TXLNB: variants seen among roughly 807,000 people sequenced by gnomAD.
TXLNB encodes the protein taxilin beta.
Under a neutral mutation model 57.4 loss-of-function variants are expected in TXLNB, and 37 were observed. The ratio of observed to expected loss-of-function variants is 0.64; its 90% CI spans 0.50 to 0.85. The LOEUF is 0.85. Among genes scored for constraint, TXLNB ranks in the 40% least tolerant of loss-of-function variants. The pLI, the probability that TXLNB is intolerant of heterozygous loss-of-function variation, is 0.00. For missense variants in TXLNB, 848 were observed against 825.6 expected (o/e 1.03, Z -0.33); for synonymous variants, 302 against 309.6 (o/e 0.98, Z 0.26).
At chr6:139,212,454 G>T in the TXLNB span, among the ~76,000 whole-genome samples, 4 of 152,172 alleles carry the variant, frequency 2.6e-5, no homozygotes, top group African/African-American at 4.8e-5. Context: ...CACCAGGCCT[G>T]CCCTAAAAGA....
At chr6:139,192,988 CA>C in the TXLNB span, among the ~76,000 whole-genome samples, 11 of 144,668 alleles carry the variant, frequency 7.6e-5, no homozygotes, top group Non-Finnish European at 1.5e-4. Flanking sequence ...AAAAAAAAAA[CA>C]ACAAAAAAAC....
the TXLNB span, among the ~76,000 whole-genome samples, chr6:139,308,312 CA>C: frequency 6.6e-6 from 1 of 152,082 alleles, no homozygotes; most frequent in Non-Finnish European, 1.5e-5. Context: ...TGCCTGGTTG[CA>C]AAAAATTAAT....
the TXLNB span, among the ~76,000 whole-genome samples, chr6:139,321,986 G>C: frequency 2.1e-5 from 3 of 144,738 alleles, no homozygotes; most frequent in Non-Finnish European, 3.0e-5. Flanking sequence ...TTTTAAGATA[G>C]GCAGAGTTTT....
chr6:139,205,368 C>A, the TXLNB span, among the ~76,000 whole-genome samples: 1 of 152,086 alleles, frequency 6.6e-6, no homozygotes, highest in Non-Finnish European at 1.5e-5. Flanking sequence ...CTCAAGTAAT[C>A]CACCCGCCTC....
the TXLNB span, among the ~76,000 whole-genome samples, chr6:139,176,251 C>A: frequency 1.3e-5 from 2 of 152,224 alleles, no homozygotes; most frequent in Non-Finnish European, 2.9e-5. This position sits in a 1 kb window ranked among gnomAD's most constrained non-coding sequence, Gnocchi z 4.5. Flanking sequence ...GCCTCAGTTG[C>A]ATTATCTAAA....
chr6:139,186,492 GAA>G, the TXLNB span, among the ~76,000 whole-genome samples: 1 of 152,178 alleles, frequency 6.6e-6, no homozygotes, highest in African/African-American at 2.4e-5. Flanking sequence ...AAATTAAAAA[GAA>G]TATCAAGTGC....
chr6:139,190,734 T>C, the TXLNB span, among the ~76,000 whole-genome samples: 1 of 152,178 alleles, frequency 6.6e-6, no homozygotes, highest in Non-Finnish European at 1.5e-5. Flanking sequence ...CCTGATAATC[T>C]AATGACCTCC....
intron 6 of TXLNB, among the ~76,000 whole-genome samples, chr6:139,258,268 G>A (rs930421065): frequency 3.9e-5 from 6 of 152,132 alleles, no homozygotes; most frequent in South Asian, 4.1e-4. Flanking sequence ...AGGCTGGGTC[G>A]TCTCAAATCT....
intron 7 of TXLNB, among the ~76,000 whole-genome samples, chr6:139,255,030 C>T (rs1776300044): frequency 6.6e-6 from 1 of 152,220 alleles, no homozygotes; most frequent in Non-Finnish European, 1.5e-5. Flanking sequence ...CCATGTTGGT[C>T]AGGCTGGTCT....
rs776247632 is a variant in TXLNB at position 139,247,874 on chromosome 6, C to G, written c.1113G>C (p.Gln371His). ...CCTCGTTGCTTTTAGTTAGTGTGCT[C>G]TGGAATTCTTCAAACCTTCCTGAGT... ...TLYSGRFEEF[Q>H]STLTKSNEVF... is the part of the protein sequence containing the mutation. The change falls in exon 8 of 10, where the codon CAG becomes CAC. Residue 371 changes from glutamine (Q) to histidine (H), a missense_variant. Transcript: ENST00000358430. 8.7e-6 allele frequency: 14 copies of G among 1,607,932 alleles called. No individual in the cohort carries two copies. The highest frequency in any genetic ancestry group is 1.7e-5 in the Admixed American group (1 of 59,152).
At chr6:139,274,034 T>C (rs1204703390) in intron 3 of TXLNB, among the ~76,000 whole-genome samples, 2 of 152,230 alleles carry the variant, frequency 1.3e-5, no homozygotes, top group East Asian at 1.9e-4. Flanking sequence ...TCTCTTTTTT[T>C]ACTAAGTTAA....
the TXLNB span, among the ~76,000 whole-genome samples, chr6:139,317,552 AC>A: frequency 1.3e-5 from 2 of 151,982 alleles, no homozygotes; most frequent in Non-Finnish European, 2.9e-5. Flanking sequence ...GGCGCCCGCC[AC>A]CACGCCCAGC....
In TXLNB at chr6:139,278,680, C is replaced by T. The variant is rs185811902; in HGVS notation, c.425-1759G>A. 6.6e-5 allele frequency among the ~76,000 whole-genome samples: 10 copies of T among 152,330 alleles called. No individual in the cohort carries two copies. The East Asian group carries it at 1.9e-3, about 29-fold the overall frequency. The stretch of plus-strand genomic sequence containing the variant: ...ATGCAACACAGTGTTTGGCCCATGG[C>T]AAGTGCTCAGTAAATGATGATAATA... On this transcript the variant is annotated intron_variant, in intron 2 of 9. Coordinates refer to ENST00000358430, the MANE Select transcript of TXLNB (RefSeq NM_153235.4).
At chr6:139,160,002 C>T in the TXLNB span, among the ~76,000 whole-genome samples, 1 of 152,202 alleles carries the variant, frequency 6.6e-6, no homozygotes, top group Non-Finnish European at 1.5e-5. Context: ...TGATCCTCCT[C>T]TTTCAATAGG....
chr6:139,302,691 G>A, the TXLNB span, among the ~76,000 whole-genome samples: 5 of 151,638 alleles, frequency 3.3e-5, no homozygotes, highest in East Asian at 1.9e-4. Context: ...GCTGAGGCAA[G>A]AGAATCACTT....
In TXLNB at chr6:139,242,549, TGTCAGCCACGTTGCGC is replaced by T; in HGVS notation, c.2016_2031del (p.Arg673ProfsTer68). 6.6e-7 allele frequency: 1 copy of T among 1,507,732 alleles called. No individual in the cohort carries two copies. The highest frequency in any genetic ancestry group is 8.8e-7 in the Non-Finnish European group (1 of 1,130,416). The allele number at this position is 1,507,732 out of a possible 1,614,324, so 93.4% of individuals were successfully genotyped here. A position where few individuals can be genotyped will look rare whatever the true frequency, so the allele number is the denominator to read the frequency against. ...GCTTAGTCGACGCCTTCCAGATTGG[TGTCAGCCACGTTGCGC>T]GGCTGGGGCCCAGCTGAGGCCCCTA... On this transcript the variant is annotated frameshift_variant, in exon 10 of 10. Coordinates refer to ENST00000358430, the MANE Select transcript of TXLNB (RefSeq NM_153235.4). LOFTEE classifies it high-confidence loss of function.
At chr6:139,230,738 G>T in the TXLNB span, among the ~76,000 whole-genome samples, 1 of 152,192 alleles carries the variant, frequency 6.6e-6, no homozygotes, top group Admixed American at 6.5e-5. Flanking sequence ...TATACTTGCA[G>T]CCTCACACAC....
chr6:139,201,053 C>T, the TXLNB span, among the ~76,000 whole-genome samples: 5,387 of 152,274 alleles, frequency 0.035, 111 homozygotes, highest in Non-Finnish European at 0.049. Flanking sequence ...TTAAACCCAA[C>T]CCACCAACCC....
the TXLNB span, chr6:139,166,565 T>C: frequency 6.2e-7 from 1 of 1,614,206 alleles, no homozygotes. Flanking sequence ...CCAGGGCCAC[T>C]TGAAGAAGGA....
Sources: allele counts gnomAD v4.1 joint callset (sites outside exome capture counted in the v4.1 genomes callset), GRCh38; gene constraint gnomAD v4.1.1; non-coding constraint Gnocchi (gnomAD v3.1); transcripts MANE v1.5; gene names NCBI Gene and HGNC (gene_info 2026-07-23, HGNC 2026-07-21).